STX8: variants seen among roughly 807,000 people sequenced by gnomAD.
STX8 encodes the protein syntaxin 8, also known as syntaxin-8.
STX8 carries 23 observed loss-of-function variants against 37.5 expected under a neutral mutation model. The ratio of observed to expected loss-of-function variants is 0.61; its 90% CI spans 0.44 to 0.87. The LOEUF is 0.87. Among genes scored for constraint, STX8 ranks in the 40% least tolerant of loss-of-function variants. The pLI is 0.00. For synonymous variants in STX8, 115 were observed against 99.1 expected (o/e 1.16, Z -0.95); for missense variants, 313 against 284.7 (o/e 1.10, Z -0.71).
intron 6 of STX8, among the ~76,000 whole-genome samples, chr17:9,379,469 A>G (rs1911718159): frequency 6.6e-6 from 1 of 152,188 alleles, no homozygotes; most frequent in African/African-American, 2.4e-5. Flanking sequence ...TGTAATTCCA[A>G]CTGAAAAATT....
chr17:9,486,256 G>A (rs1906593209), intron 6 of STX8, among the ~76,000 whole-genome samples: 1 of 152,140 alleles, frequency 6.6e-6, no homozygotes, highest in South Asian at 2.1e-4. Flanking sequence ...CAGATTCCAG[G>A]GATAGGATAG....
chr17:9,427,777 G>A (rs995081643), intron 6 of STX8, among the ~76,000 whole-genome samples: 7 of 152,126 alleles, frequency 4.6e-5, no homozygotes, highest in East Asian at 1.9e-4. Flanking sequence ...GAAGGCTAGC[G>A]GGTGCCTGTC....
chr17:9,565,937 A>G (rs1445284511), intron 2 of STX8, among the ~76,000 whole-genome samples: 1 of 152,254 alleles, frequency 6.6e-6, no homozygotes, highest in Non-Finnish European at 1.5e-5. Context: ...AGCAATTGCA[A>G]CAAAAGCAAA....
At chr17:9,434,334 T>C (rs1474759147) in intron 6 of STX8, among the ~76,000 whole-genome samples, 1 of 152,208 alleles carries the variant, frequency 6.6e-6, no homozygotes, top group Non-Finnish European at 1.5e-5. Context: ...TGCTATTTCA[T>C]CCTCAATGTG....
intron 7 of STX8, among the ~76,000 whole-genome samples, chr17:9,361,358 T>C (rs911681338): frequency 5.3e-5 from 8 of 152,248 alleles, no homozygotes; most frequent in Admixed American, 5.2e-4. Flanking sequence ...CCAACCTCTC[T>C]TGCTTCATTC....
At chr17:9,505,627 G>A (rs1359276806) in intron 4 of STX8, among the ~76,000 whole-genome samples, 2 of 152,136 alleles carry the variant, frequency 1.3e-5, no homozygotes, top group Non-Finnish European at 2.9e-5. Context: ...TTTAAAAAAA[G>A]ACCATATAAT....
intron 7 of STX8, among the ~76,000 whole-genome samples, chr17:9,269,782 A>G (rs1359914001): frequency 2.0e-5 from 3 of 151,954 alleles, no homozygotes; most frequent in African/African-American, 7.2e-5. Flanking sequence ...ACTCTCTCAC[A>G]CCTCTGTGCC....
intron 4 of STX8, among the ~76,000 whole-genome samples, chr17:9,530,034 G>A (rs959196855): frequency 4.6e-5 from 7 of 152,098 alleles, no homozygotes; most frequent in Non-Finnish European, 8.8e-5. Context: ...TAGGCCGGGC[G>A]CAGTGGCTCA....
At chr17:9,359,234 G>C (rs1910981929) in intron 7 of STX8, among the ~76,000 whole-genome samples, 1 of 151,808 alleles carries the variant, frequency 6.6e-6, no homozygotes, top group Non-Finnish European at 1.5e-5. Flanking sequence ...GTAGAGATGG[G>C]GTTTCAACAT....
chr17:9,388,927 C>T (rs1567539885), intron 6 of STX8, among the ~76,000 whole-genome samples: 1 of 151,390 alleles, frequency 6.6e-6, no homozygotes, highest in Non-Finnish European at 1.5e-5. Flanking sequence ...GTTATAATTT[C>T]TCATGGTTAC....
chr17:9,414,091 C>T (rs1265272854), intron 6 of STX8, among the ~76,000 whole-genome samples: 2 of 60,614 alleles, frequency 3.3e-5, no homozygotes, highest in Non-Finnish European at 5.5e-5. Flanking sequence ...TCCATCCATC[C>T]ATCCATCCAT....
intron 6 of STX8, among the ~76,000 whole-genome samples, chr17:9,432,198 T>C (rs931220851): frequency 1.3e-5 from 2 of 152,164 alleles, no homozygotes; most frequent in African/African-American, 4.8e-5. Flanking sequence ...AAAGTTCCAA[T>C]TGATTTTGTA....
intron 6 of STX8, among the ~76,000 whole-genome samples, chr17:9,379,060 C>T (rs1252557808): frequency 6.6e-6 from 1 of 151,996 alleles, no homozygotes; most frequent in African/African-American, 2.4e-5. Context: ...GCCTGGCCAA[C>T]ATAGTGAAAC....
intron 7 of STX8, among the ~76,000 whole-genome samples, chr17:9,299,601 A>C (rs1908694549): frequency 6.6e-6 from 1 of 151,366 alleles, no homozygotes; most frequent in Admixed American, 6.6e-5. Context: ...CCGCCACCAC[A>C]CCCGGCTAAT....
chr17:9,359,664 T>C (rs1029647582), intron 7 of STX8, among the ~76,000 whole-genome samples: 8 of 151,782 alleles, frequency 5.3e-5, no homozygotes, highest in East Asian at 3.9e-4. Flanking sequence ...CCGACCACCA[T>C]GCCCGGCTAA....
intron 7 of STX8, among the ~76,000 whole-genome samples, chr17:9,331,297 G>A (rs1892071451): frequency 6.6e-6 from 1 of 152,138 alleles, no homozygotes; most frequent in African/African-American, 2.4e-5. Flanking sequence ...TTTCAGAAAT[G>A]TGATTTTTCA....
chr17:9,430,192 T>C (rs1174120150), intron 6 of STX8, among the ~76,000 whole-genome samples: 2 of 127,502 alleles, frequency 1.6e-5, no homozygotes, highest in Admixed American at 2.1e-4. Flanking sequence ...AAATAAAATA[T>C]AAATTATATA....
intron 6 of STX8, among the ~76,000 whole-genome samples, chr17:9,473,939 A>G (rs1905989566): frequency 6.6e-6 from 1 of 152,200 alleles, no homozygotes; most frequent in Non-Finnish European, 1.5e-5. Flanking sequence ...GGCTAGCCAT[A>G]CCAATGGCTA....
chr17:9,461,884 TTAGA>T (rs1203268998), intron 6 of STX8, among the ~76,000 whole-genome samples: 1 of 152,110 alleles, frequency 6.6e-6, no homozygotes, highest in Non-Finnish European at 1.5e-5. Flanking sequence ...TCATCAGGCA[TTAGA>T]TTCTCATAAG....
Sources: allele counts gnomAD v4.1 joint callset (sites outside exome capture counted in the v4.1 genomes callset), GRCh38; gene constraint gnomAD v4.1.1; transcripts MANE v1.5; gene names NCBI Gene and HGNC (gene_info 2026-07-23, HGNC 2026-07-21).